Variants in EHMT1 observed in about 807,000 individuals in gnomAD.
The protein encoded by EHMT1 is euchromatic histone lysine methyltransferase 1, also known as histone-lysine N-methyltransferase EHMT1.
A neutral mutation model predicts 147.2 loss-of-function variants in EHMT1; 15 were observed. That is an observed-to-expected ratio of 0.10 (90% confidence interval 0.07 to 0.16). EHMT1 has a LOEUF of 0.16. Ranked by LOEUF, EHMT1 falls within the 10% of genes least tolerant of loss-of-function variation. The probability of loss-of-function intolerance (pLI) is 1.00; values close to 1 mark genes in which losing one functional copy is unlikely to be tolerated. For synonymous variants in EHMT1, 795 were observed against 709.6 expected (o/e 1.12, Z -1.91); for missense variants, 1,587 against 1,772.4 (o/e 0.90, Z 1.88).
intron 1 of EHMT1, among the ~76,000 whole-genome samples, chr9:137,669,653 CG>C (rs1940298682): frequency 6.6e-6 from 1 of 151,742 alleles, no homozygotes; most frequent in Non-Finnish European, 1.5e-5. Flanking sequence ...TTGCTCTCTT[CG>C]GAGCATTCAT....
rs560364772 is a variant in EHMT1 at position 137,812,332 on chromosome 9, C to G, written c.2868-674C>G. Among the ~76,000 whole-genome samples the G allele has an allele frequency of 2.5e-4, 38 of 151,954 alleles. 1 individual carries two copies. In the South Asian group the frequency reaches 6.4e-3, roughly 26 times the overall value. On this transcript the variant is annotated intron_variant, in intron 19 of 26. Coordinates refer to ENST00000460843, the MANE Select transcript of EHMT1 (RefSeq NM_024757.5). ...CCAACCTGGGCGACAGAGTGAGATT[C>G]TGTCTCAAAAAAAACCCAAAAAACA...
intron 21 of EHMT1, chr9:137,814,120 A>T: frequency 6.0e-6 from 2 of 336,030 alleles, no homozygotes; most frequent in East Asian, 1.5e-4. Flanking sequence ...TGCCTTTCCC[A>T]TCGAGCATCT....
rs1287872701 is a variant in EHMT1, at chr9:137,768,661, C to T, written c.1647+5841C>T. Among the ~76,000 whole-genome samples, 126 of 143,044 alleles carry T rather than the reference C, an allele frequency of 8.8e-4. 1 individual carries two copies. In the East Asian group the frequency reaches 0.023, roughly 27 times the overall value. The allele number at this position is 143,044 out of a possible 152,430, so 93.8% of individuals were successfully genotyped here. A position where few individuals can be genotyped will look rare whatever the true frequency, so the allele number is the denominator to read the frequency against. The stretch of plus-strand genomic sequence containing the variant: ...GCCTCCCGGGTTCACGCCATTCTCC[C>T]GCCTCAGCCTCCCAAGTAGCTGGGA... On this transcript the variant is annotated intron_variant, in intron 10 of 26. Coordinates refer to ENST00000460843, the MANE Select transcript of EHMT1 (RefSeq NM_024757.5).
At chr9:137,628,905 T>G (rs1843436775) in intron 1 of EHMT1, among the ~76,000 whole-genome samples, 1 of 152,178 alleles carries the variant, frequency 6.6e-6, no homozygotes, top group Non-Finnish European at 1.5e-5. Flanking sequence ...TTTTATTGAG[T>G]TTTTCTTTGA....
intron 3 of EHMT1, among the ~76,000 whole-genome samples, chr9:137,720,878 C>G (rs1013825980): frequency 6.6e-6 from 1 of 152,098 alleles, no homozygotes; most frequent in Non-Finnish European, 1.5e-5. Flanking sequence ...CACACAGGAG[C>G]ATAATCACTG....
chr9:137,797,719 A>C (rs189776953), intron 16 of EHMT1, among the ~76,000 whole-genome samples: 1 of 152,090 alleles, frequency 6.6e-6, no homozygotes, highest in African/African-American at 2.4e-5. Flanking sequence ...GGGGAGCAGT[A>C]TGTGCAGTGA....
In EHMT1 at chr9:137,796,703, C is replaced by CAA. The variant is rs11449759; in HGVS notation, c.2506-2094_2506-2093dup. ...TGGGCGACAGAGCCAGACTCCATCT[C>CAA]AAAAAAAAAAAAAAAAAGAAATGAA... On this transcript the variant is annotated intron_variant, in intron 16 of 26. Coordinates refer to ENST00000460843, the MANE Select transcript of EHMT1 (RefSeq NM_024757.5). 1.9e-3 allele frequency among the ~76,000 whole-genome samples: 162 copies of CAA among 85,644 alleles called. 1 individual carries two copies. Among genetic ancestry groups the CAA allele is most frequent in the Middle Eastern group, 7.6e-3 (1 of 132 alleles). The allele number at this position is 85,644 out of a possible 152,430, so 56.2% of individuals were successfully genotyped here.
intron 1 of EHMT1, among the ~76,000 whole-genome samples, chr9:137,625,733 A>G (rs1028169384): frequency 5.3e-5 from 8 of 151,676 alleles, no homozygotes; most frequent in Admixed American, 3.3e-4. Context: ...GATTTTAAGT[A>G]TATTTTCTTG....
chr9:137,648,885 C>G (rs532995005), intron 1 of EHMT1, among the ~76,000 whole-genome samples: 2 of 152,298 alleles, frequency 1.3e-5, no homozygotes, highest in Non-Finnish European at 1.5e-5. Context: ...CACTGTTGGG[C>G]CCAAGCCACC....
In EHMT1 at chr9:137,803,051, G is replaced by A. The variant is rs1006305123; in HGVS notation, c.2712+2067G>A. 9.1e-5 allele frequency: 112 copies of A among 1,230,688 alleles called. 1 individual carries two copies. The Middle Eastern group carries it at 1.2e-3, about 14-fold the overall frequency. The allele number at this position is 1,230,688 out of a possible 1,614,324, so 76.2% of individuals were successfully genotyped here. ...CCACCGCCCCCGGAGACTGCGTGGCGGGGAAGGCGGCCCTAGTGTGGCTGG... is the reference window on the plus strand; with the variant it reads ...CCACCGCCCCCGGAGACTGCGTGGCAGGGAAGGCGGCCCTAGTGTGGCTGG... On this transcript the variant is annotated intron_variant, in intron 18 of 26. Transcript: ENST00000460843.
chr9:137,802,971 G>A, intron 18 of EHMT1: 1 of 1,232,468 alleles, frequency 8.1e-7, no homozygotes, highest in East Asian at 3.2e-5. Flanking sequence ...GAAGAGAGGA[G>A]GGAAGCAAAG....
chr9:137,633,173 C>T (rs1843737362), intron 1 of EHMT1, among the ~76,000 whole-genome samples: 1 of 152,130 alleles, frequency 6.6e-6, no homozygotes, highest in South Asian at 2.1e-4. Context: ...AAGGCATGCT[C>T]AGGTCAGCTC....
intron 3 of EHMT1, chr9:137,717,414 G>T: frequency 1.6e-6 from 1 of 630,616 alleles, no homozygotes; most frequent in African/African-American, 1.8e-5. Flanking sequence ...ACCAGCCTGG[G>T]CAGCGTGGCG....
At chr9:137,709,708 C>T (rs545137373) in intron 1 of EHMT1, among the ~76,000 whole-genome samples, 4 of 152,238 alleles carry the variant, frequency 2.6e-5, no homozygotes, top group East Asian at 1.9e-4. Flanking sequence ...GGAATCAGTG[C>T]GTGGCTGGCC....
chr9:137,820,478 G>C (rs1955319380), intron 25 of EHMT1, among the ~76,000 whole-genome samples: 2 of 152,244 alleles, frequency 1.3e-5, no homozygotes, highest in Admixed American at 6.5e-5. Context: ...ATGTCTAGGA[G>C]TGAACAGAAG....
intron 1 of EHMT1, among the ~76,000 whole-genome samples, chr9:137,665,347 CAGCCTGAGTGTGGGG>C (rs1285793975): frequency 5.9e-5 from 9 of 152,124 alleles, no homozygotes; most frequent in African/African-American, 2.2e-4. Flanking sequence ...TGTTTAGGAG[CAGCCTGAGTGTGGGG>C]AGACTGCTGT....
At chr9:137,768,220 T>G (rs1950337031) in intron 10 of EHMT1, among the ~76,000 whole-genome samples, 2 of 152,170 alleles carry the variant, frequency 1.3e-5, no homozygotes, top group South Asian at 4.1e-4. Flanking sequence ...ACGGTCCCTT[T>G]GTTAAGTTGA....
chr9:137,685,636 A>G (rs1942361692), intron 1 of EHMT1, among the ~76,000 whole-genome samples: 1 of 152,184 alleles, frequency 6.6e-6, no homozygotes, highest in Admixed American at 6.5e-5. Context: ...CCCGAGGTCA[A>G]ACTGATAAGC....
In EHMT1 at chr9:137,795,675, G is replaced by A. The variant is rs117365985; in HGVS notation, c.2506-3138G>A. Among the ~76,000 whole-genome samples the A allele has an allele frequency of 2.6e-4, 40 of 152,190 alleles. No individual in the cohort carries two copies. In the East Asian group the frequency reaches 7.2e-3, roughly 27 times the overall value. ...CTCATCAATGTTATAACAAAACAACGCTGAATGAAACGATCCTATTGACGA... is the reference window on the plus strand; with the variant it reads ...CTCATCAATGTTATAACAAAACAACACTGAATGAAACGATCCTATTGACGA... On this transcript the variant is annotated intron_variant, in intron 16 of 26. Coordinates refer to ENST00000460843, the MANE Select transcript of EHMT1 (RefSeq NM_024757.5).
Sources: gnomAD v4.1 joint callset for allele counts (sites outside exome capture counted in the v4.1 genomes callset) on GRCh38, gnomAD v4.1.1 for gene constraint, MANE v1.5 for transcripts, NCBI Gene and HGNC (gene_info 2026-07-23, HGNC 2026-07-21) for gene names.